CLN8: variants seen among roughly 807,000 people sequenced by gnomAD.
CLN8 encodes protein CLN8.
A neutral mutation model predicts 15.7 loss-of-function variants in CLN8; 14 were observed. That is an observed-to-expected ratio of 0.89 (90% CI 0.59 to 1.39). The LOEUF (loss-of-function observed/expected upper bound fraction) is 1.39, where lower values mean the gene tolerates loss of function less well. Among genes scored for constraint, CLN8 ranks in the 40% most tolerant of loss-of-function variants. The probability of loss-of-function intolerance (pLI) is 0.00; values close to 1 mark genes in which losing one functional copy is unlikely to be tolerated. For synonymous variants in CLN8, 188 were observed against 151.0 expected, an observed-to-expected ratio of 1.25 and a Z score of -1.80; for missense variants, 415 against 364.0, an observed-to-expected ratio of 1.14 and a Z score of -1.14.
chr8:1,774,499 G>C (rs1270812701), intron 2 of CLN8, among the ~76,000 whole-genome samples: 1 of 152,142 alleles, frequency 6.6e-6, no homozygotes, highest in Non-Finnish European at 1.5e-5. Context: ...CATAGTAGTA[G>C]GGCATGAGGA....
At chr8:1,763,740 G>A (rs1446972193), upstream of CLN8, 3 of 145,484 alleles carry the variant, frequency 2.1e-5, 1 homozygote, top group Non-Finnish European at 4.5e-5. Flanking sequence ...CAGAACGCGT[G>A]CGCACGCGCG....
intron 1 of CLN8, among the ~76,000 whole-genome samples, chr8:1,767,572 T>C (rs1340344351): frequency 4.5e-4 from 60 of 133,728 alleles, no homozygotes; most frequent in South Asian, 3.9e-3. Context: ...TTTCTTTTTT[T>C]TTTTTTTTTT....
rs560285956 is a variant in CLN8, at chr8:1,757,702, G to C, written c.-124+1620G>C. Among the ~76,000 whole-genome samples the C allele has an allele frequency of 5.3e-5, 8 of 152,340 alleles. No individual in the cohort carries two copies. In the South Asian group the frequency reaches 1.7e-3, roughly 32 times the overall value. ...CCGCCTCGGCCTCCCAGAGTGCTGG[G>C]ATTATAGGCACGAGCCACCATGCTT... On this transcript the variant is annotated intron_variant, in intron 1 of 1. Coordinates refer to the CLN8 transcript ENST00000524258.
At chr8:1,756,006 CAA>C (rs1433400730) in exon 1 of CLN8, 1 of 152,170 alleles carries the variant, frequency 6.6e-6, no homozygotes, top group Non-Finnish European at 1.5e-5. Context: ...CAGCTGATCC[CAA>C]GTTTCACATC....
chr8:1,771,497 G>T lies in CLN8; in HGVS notation c.443G>T (p.Gly148Val). 1 of 1,614,102 alleles carries T rather than the reference G, an allele frequency of 6.2e-7. No homozygotes were observed. Among genetic ancestry groups the T allele is most frequent in the East Asian group, 2.2e-5 (1 of 44,876 alleles). ...CTCTTTGCCTTTCTTGGGTTTCTTG[G>T]CTGCTTGGTCAATCTCCAAGCTGGC... ...HHLFAFLGFL[G>V]CLVNLQAGHY... Residue 148 changes from glycine to valine, a missense_variant, in exon 2 of 3, where the codon GGC becomes GTC. Coordinates refer to ENST00000331222, the MANE Select transcript of CLN8 (RefSeq NM_018941.4).
chr8:1,773,347 G>A (rs147984682), intron 2 of CLN8, among the ~76,000 whole-genome samples: 5 of 152,302 alleles, frequency 3.3e-5, no homozygotes, highest in African/African-American at 1.2e-4. Context: ...TATGGCAGGC[G>A]ATACTGGAGA....
At chr8:1,773,480 G>A (rs562258924) in intron 2 of CLN8, 112 of 152,704 alleles carry the variant, frequency 7.3e-4, no homozygotes, top group Non-Finnish European at 1.5e-3. Context: ...CCCCTCCGGT[G>A]ACCTGGCTAC....
chr8:1,770,262 G>A (rs572779355), intron 1 of CLN8, among the ~76,000 whole-genome samples: 1 of 152,292 alleles, frequency 6.6e-6, no homozygotes, highest in East Asian at 1.9e-4. Context: ...CCAGGAGAGG[G>A]CCCAGCAGCT....
chr8:1,776,957 C>A (rs116151705), intron 2 of CLN8, among the ~76,000 whole-genome samples: 1 of 152,174 alleles, frequency 6.6e-6, no homozygotes, highest in Admixed American at 6.5e-5. Flanking sequence ...GTTACCCGGA[C>A]GCAAAAGAGT....
intron 1 of CLN8, among the ~76,000 whole-genome samples, chr8:1,770,120 G>A (rs1203468944): frequency 1.3e-5 from 2 of 152,200 alleles, no homozygotes; most frequent in East Asian, 3.9e-4. Context: ...GTATGCATCA[G>A]GAGCTTGTAG....
At chr8:1,759,738 A>C (rs1800748386), upstream of CLN8, 1 of 152,230 alleles carries the variant, frequency 6.6e-6, no homozygotes, top group Non-Finnish European at 1.5e-5. Context: ...CTGTCAGCAG[A>C]TCCTGAACTT....
At chr8:1,770,681 A>T (rs1393423248) in intron 1 of CLN8, among the ~76,000 whole-genome samples, 2 of 152,170 alleles carry the variant, frequency 1.3e-5, no homozygotes, top group African/African-American at 2.4e-5. Context: ...TAGGACGAGC[A>T]TAGGACCGTG....
chr8:1,763,076 G>A (rs948784211), upstream of CLN8: 9 of 152,220 alleles, frequency 5.9e-5, no homozygotes, highest in African/African-American at 2.2e-4. Context: ...GGGCGCAGAA[G>A]GGCCGGGGAT....
At chr8:1,771,958 C>T (rs1053086463) in intron 2 of CLN8, among the ~76,000 whole-genome samples, 12 of 64,176 alleles carry the variant, frequency 1.9e-4, no homozygotes, top group South Asian at 5.0e-4. Context: ...TTTTTTGAGA[C>T]GGAGCCTCAC....
At chr8:1,767,565 CTTTTTTTTTTTT>C (rs1156569423) in intron 1 of CLN8, among the ~76,000 whole-genome samples, 6 of 81,310 alleles carry the variant, frequency 7.4e-5, no homozygotes, top group African/African-American at 1.0e-4. Flanking sequence ...ATGTTTCTTT[CTTTTTTTTTTTT>C]TTTTTTTTTT....
intron 1 of CLN8, chr8:1,764,615 C>G (rs1284965639): frequency 2.6e-5 from 4 of 152,948 alleles, no homozygotes; most frequent in Non-Finnish European, 4.4e-5. Flanking sequence ...CTGGGTCAGT[C>G]AGAACCTGTA....
At chr8:1,767,648 T>TGCCACC (rs1801121875) in intron 1 of CLN8, among the ~76,000 whole-genome samples, 1 of 128,962 alleles carries the variant, frequency 7.8e-6, no homozygotes, top group African/African-American at 2.9e-5. Context: ...CTCAGCTCAC[T>TGCCACC]GCCACCTCCA....
chr8:1,780,183 T>G (rs1801666663), intron 2 of CLN8, 67 bp from the exon 3 acceptor site: 2 of 1,613,714 alleles, frequency 1.2e-6, no homozygotes, highest in Admixed American at 3.3e-5. Context: ...AAATACCTTT[T>G]TGTGATGTGA....
At chr8:1,766,541 C>T (rs1801066300) in intron 1 of CLN8, among the ~76,000 whole-genome samples, 1 of 152,006 alleles carries the variant, frequency 6.6e-6, no homozygotes, top group Non-Finnish European at 1.5e-5. Context: ...AGGCGCTCGC[C>T]ATCACGCCTG....
Sources: allele counts gnomAD v4.1 joint callset (sites outside exome capture counted in the v4.1 genomes callset), GRCh38; gene constraint gnomAD v4.1.1; transcripts MANE v1.5; gene names NCBI Gene and HGNC (gene_info 2026-07-23, HGNC 2026-07-21).